The following DENND4A variants were observed in gnomAD, a reference collection of about 807,000 sequenced individuals.
DENND4A encodes the protein C-myc promoter-binding protein.
Under a neutral mutation model 199.3 loss-of-function variants are expected in DENND4A, and 70 were observed. That is an observed-to-expected ratio of 0.35 (90% CI 0.29 to 0.43). The LOEUF (loss-of-function observed/expected upper bound fraction) is 0.43. DENND4A is among the 20% of genes least tolerant of loss of function. The probability of loss-of-function intolerance (pLI) is 1.00; values close to 1 mark genes in which losing one functional copy is unlikely to be tolerated. For missense variants in DENND4A, 1,723 were observed against 2,255.8 expected (o/e 0.76, Z 4.78); for synonymous variants, 686 against 766.9 (o/e 0.89, Z 1.74).
chr15:65,764,582 G>A (rs1314758961), intron 1 of DENND4A, among the ~76,000 whole-genome samples: 2 of 152,048 alleles, frequency 1.3e-5, no homozygotes, highest in Non-Finnish European at 1.5e-5. Flanking sequence ...AGTGAGCAGA[G>A]ATCGTGCCAC....
intron 1 of DENND4A, chr15:65,772,092 T>C: frequency 1.0e-6 from 1 of 981,280 alleles, no homozygotes; most frequent in Non-Finnish European, 1.6e-6. Flanking sequence ...ATTCAGAGCC[T>C]CCTGGACGAT....
intron 23 of DENND4A, among the ~76,000 whole-genome samples, chr15:65,685,270 G>A (rs148275395): frequency 0.028 from 4,232 of 152,246 alleles, 163 homozygotes; most frequent in African/African-American, 0.082. Context: ...GGGACTACAG[G>A]CGCCTGGCAC....
At position 65,729,713 on chromosome 15, in the gene DENND4A, T is replaced by C. The variant is rs190868173; in HGVS notation, c.1167-35A>G. The C allele has an allele frequency of 1.0e-4, 155 of 1,531,238 alleles. 1 individual carries two copies. The African/African-American group carries it at 2.0e-3, about 20-fold the overall frequency. 94.9% of individuals were successfully genotyped at this position (1,531,238 alleles called of 1,614,324 possible). On this transcript the variant is annotated intron_variant, in intron 9 of 32. Coordinates refer to ENST00000443035, the MANE Select transcript of DENND4A (RefSeq NM_001320835.1). ...CAAACAAAAATATATAATTAAAAAA[T>C]AATGATCCAAACACCTCATTATCTA...
chr15:65,767,829 GATGAT>G (rs1432445326), intron 1 of DENND4A, among the ~76,000 whole-genome samples: 1 of 152,112 alleles, frequency 6.6e-6, no homozygotes, highest in African/African-American at 2.4e-5. Context: ...AGACATTCAG[GATGAT>G]ATATTAGACA....
At chr15:65,740,720 G>A (rs575322452) in intron 5 of DENND4A, among the ~76,000 whole-genome samples, 1 of 152,084 alleles carries the variant, frequency 6.6e-6, no homozygotes, top group African/African-American at 2.4e-5. Context: ...CATCACTTTA[G>A]GAGGCTGAGG....
intron 11 of DENND4A, among the ~76,000 whole-genome samples, chr15:65,726,470 T>C (rs969613543): frequency 2.0e-5 from 3 of 152,196 alleles, no homozygotes; most frequent in Admixed American, 6.5e-5. Context: ...TGGTAAAGAA[T>C]CATTGAATCT....
intron 16 of DENND4A, 126 bp from the exon 17 acceptor site, chr15:65,702,637 A>G: frequency 2.1e-6 from 2 of 944,930 alleles, no homozygotes; most frequent in Non-Finnish European, 3.1e-6. Context: ...GTCTGTAATT[A>G]ATGCGTTTTC....
rs1389737056 is a variant in DENND4A, at chr15:65,669,829, A to G, written c.4737T>C (p.Ser1579=). 1.5e-5 allele frequency: 24 copies of G among 1,613,870 alleles called. No homozygotes were observed. Among genetic ancestry groups the G allele is most frequent in the Non-Finnish European group, 1.9e-5 (23 of 1,179,780 alleles). ...TRQSCISTSA[S]GLDTSALSVQ... Reference sequence around the variant, plus strand: ...CAGAGAGAGCAGATGTGTCAAGACCAGAGGCTGATGTTGAAATGCAAGACT... The same window carrying G: ...CAGAGAGAGCAGATGTGTCAAGACCGGAGGCTGATGTTGAAATGCAAGACT... The change falls in exon 27 of 33, where the codon TCT becomes TCC. Residue 1579 remains serine (S), a synonymous_variant. Transcript: ENST00000443035.
chr15:65,677,742 C>T (rs2076430712), intron 23 of DENND4A, among the ~76,000 whole-genome samples: 3 of 152,028 alleles, frequency 2.0e-5, no homozygotes, highest in African/African-American at 7.2e-5. Context: ...TTCTCATTTC[C>T]CACTGATGTT....
chr15:65,675,135 A>ATATTTGTAT (rs2076335102), intron 24 of DENND4A, among the ~76,000 whole-genome samples: 1 of 152,222 alleles, frequency 6.6e-6, no homozygotes, highest in East Asian at 1.9e-4. Flanking sequence ...TCTAAATCAG[A>ATATTTGTAT]GGTAAAATCC....
chr15:65,789,073 A>C (rs1371508405), intron 1 of DENND4A, among the ~76,000 whole-genome samples: 1 of 152,082 alleles, frequency 6.6e-6, no homozygotes, highest in Admixed American at 6.5e-5. Context: ...CATTTTTAAA[A>C]TGATTTTTAG....
chr15:65,737,068 A>T (rs1352648700), intron 7 of DENND4A, among the ~76,000 whole-genome samples: 2 of 148,236 alleles, frequency 1.3e-5, no homozygotes, highest in African/African-American at 2.5e-5. Context: ...CGGTAAGGAA[A>T]TTTTTTTTTT....
At position 65,660,324 on chromosome 15, in the gene DENND4A, G is replaced by A. The variant is rs907731198; in HGVS notation, c.*1527C>T. 6 of 1,533,788 alleles carry A rather than the reference G, an allele frequency of 3.9e-6. No homozygotes were observed. The East Asian group carries it at 1.5e-4, about 38-fold the overall frequency. ...TTCAGCATGGTGCTATTCACTAATGGTGTGAACTCAAAAGGTGGGTTTTCT... is the reference window on the plus strand; with the variant it reads ...TTCAGCATGGTGCTATTCACTAATGATGTGAACTCAAAAGGTGGGTTTTCT... On this transcript the variant is annotated 3_prime_UTR_variant, in exon 33 of 33. Coordinates refer to ENST00000443035, the MANE Select transcript of DENND4A (RefSeq NM_001320835.1).
In DENND4A at chr15:65,722,962, A is replaced by C. The variant is rs1257761481; in HGVS notation, c.1488-14T>G. 6.3e-7 allele frequency: 1 copy of C among 1,586,576 alleles called. No individual in the cohort carries two copies. Among genetic ancestry groups the C allele is most frequent in the Admixed American group, 1.8e-5 (1 of 56,848 alleles). On this transcript the variant is annotated splice_polypyrimidine_tract_variant and intron_variant, in intron 11 of 32. Coordinates refer to ENST00000443035, the MANE Select transcript of DENND4A (RefSeq NM_001320835.1). ...TTGTCACCAATTCTAAGATTAAATA[A>C]CAACAGGAATATATTTGTTACATGG...
chr15:65,717,277 T>C (rs976019030), intron 13 of DENND4A, among the ~76,000 whole-genome samples: 1 of 152,178 alleles, frequency 6.6e-6, no homozygotes, highest in Non-Finnish European at 1.5e-5. Flanking sequence ...CAAAAGAAAG[T>C]AAATATGTAT....
intron 22 of DENND4A, among the ~76,000 whole-genome samples, chr15:65,692,881 T>C (rs956271824): frequency 6.6e-6 from 1 of 152,162 alleles, no homozygotes; most frequent in African/African-American, 2.4e-5. Flanking sequence ...GAAGACCAAG[T>C]TGGTTATCAG....
At chr15:65,771,289 ATC>A in intron 1 of DENND4A, 1 of 1,585,856 alleles carries the variant, frequency 6.3e-7, no homozygotes, top group South Asian at 1.1e-5. Context: ...CATACTGCAT[ATC>A]TGTTTTTTGT....
intron 1 of DENND4A, among the ~76,000 whole-genome samples, chr15:65,762,161 C>T (rs536455522): frequency 1.3e-5 from 2 of 152,262 alleles, no homozygotes; most frequent in East Asian, 3.9e-4. Flanking sequence ...GCATGTGCCA[C>T]CATGCCCAGC....
chr15:65,738,442 CTTT>C (rs1298655351), intron 6 of DENND4A, among the ~76,000 whole-genome samples: 2 of 152,008 alleles, frequency 1.3e-5, no homozygotes, highest in Non-Finnish European at 2.9e-5. Context: ...TTCAAAGCTT[CTTT>C]ATCACAGAAA....
Sources: gnomAD v4.1 joint callset for allele counts (sites outside exome capture counted in the v4.1 genomes callset) on GRCh38, gnomAD v4.1.1 for gene constraint, MANE v1.5 for transcripts, NCBI Gene and HGNC (gene_info 2026-07-23, HGNC 2026-07-21) for gene names.